The following CLOCK variants were observed in gnomAD, a reference collection of about 807,000 sequenced individuals.
CLOCK encodes clock circadian regulator, also known as circadian locomoter output cycles protein kaput.
In CLOCK, 43 loss-of-function variants were observed where a neutral mutation model predicts 118.4. That is an observed-to-expected ratio of 0.36 (90% CI 0.28 to 0.47). The LOEUF is 0.47. Among genes scored for constraint, CLOCK ranks in the 20% least tolerant of loss-of-function variants. The pLI, the probability that CLOCK is intolerant of heterozygous loss-of-function variation, is 1.00. For missense variants in CLOCK, 846 were observed against 999.9 expected, an observed-to-expected ratio of 0.85 and a Z score of 2.08; for synonymous variants, 326 against 339.2, an observed-to-expected ratio of 0.96 and a Z score of 0.43.
chr4:55,478,998 T>C (rs1023140051), intron 5 of CLOCK, 35 bp from the exon 6 acceptor site: 1 of 1,502,544 alleles, frequency 6.7e-7, no homozygotes, highest in Non-Finnish European at 9.1e-7. Flanking sequence ...TTTTAAACAA[T>C]CCATTTAATT....
Position 55,489,456 on chromosome 4 carries a change from T to A in CLOCK, c.-126A>T, listed in dbSNP as rs1170300183. 1 of 152,138 alleles carries A rather than the reference T, an allele frequency of 6.6e-6. No individual in the cohort carries two copies. Among genetic ancestry groups the A allele is most frequent in the East Asian group, 1.9e-4 (1 of 5,198 alleles). The allele number at this position is 152,138 out of a possible 1,614,324, so 9.4% of individuals were successfully genotyped here. A position where few individuals can be genotyped will look rare whatever the true frequency, so the allele number is the denominator to read the frequency against. The stretch of plus-strand genomic sequence containing the variant: ...ACTCTTCTATATGACCAACCATAAG[T>A]CTCAGAATTCTGTTTAAACAAGAAA... On this transcript the variant is annotated 5_prime_UTR_variant, in exon 3 of 23. Coordinates refer to ENST00000513440, the MANE Select transcript of CLOCK (RefSeq NM_004898.4).
chr4:55,475,617 C>CA (rs1726460295), intron 7 of CLOCK, among the ~76,000 whole-genome samples: 1 of 152,202 alleles, frequency 6.6e-6, no homozygotes, highest in South Asian at 2.1e-4. Flanking sequence ...CAACCTTCAG[C>CA]AACCACCACC....
chr4:55,528,721 G>A (rs556970178), intron 1 of CLOCK, among the ~76,000 whole-genome samples: 17 of 152,246 alleles, frequency 1.1e-4, no homozygotes, highest in South Asian at 8.3e-4. Flanking sequence ...GAGATTCTAC[G>A]CTCCCCTCAA....
At chr4:55,448,591 CGCACGCGCGCGT>C (rs1257034759) in intron 18 of CLOCK, among the ~76,000 whole-genome samples, 176 bp downstream of exon 18, 3 of 81,048 alleles carry the variant, frequency 3.7e-5, no homozygotes, top group African/African-American at 8.1e-5. Flanking sequence ...TGTGCGCGCG[CGCACGCGCGCGT>C]GTGTGTGTGT....
chr4:55,483,923 A>G (rs1727112238), intron 3 of CLOCK, among the ~76,000 whole-genome samples: 1 of 152,154 alleles, frequency 6.6e-6, no homozygotes, highest in Non-Finnish European at 1.5e-5. Context: ...GAGTATCCCT[A>G]ATCTGAAAAC....
At chr4:55,441,804 G>A (rs1385111404) in intron 21 of CLOCK, among the ~76,000 whole-genome samples, 1 of 152,142 alleles carries the variant, frequency 6.6e-6, no homozygotes, top group African/African-American at 2.4e-5. Context: ...ACTAAAATAA[G>A]TTATAGATGG....
chr4:55,447,989 T>C (rs1408020624), intron 18 of CLOCK, among the ~76,000 whole-genome samples: 1 of 151,648 alleles, frequency 6.6e-6, no homozygotes, highest in Non-Finnish European at 1.5e-5. Context: ...CTCTTGGAAT[T>C]ACTCCCCCTT....
chr4:55,438,234 A>G, intron 22 of CLOCK, 48 bp downstream of exon 22: 2 of 1,585,074 alleles, frequency 1.3e-6, no homozygotes, highest in Non-Finnish European at 1.7e-6. Context: ...TAATTTCATT[A>G]CATGAAAGTA....
At position 55,438,379 on chromosome 4, in the gene CLOCK, T is replaced by C. The variant is rs1040206001; in HGVS notation, c.2264A>G (p.Gln755Arg). ...QQQSQTLSVT[Q>R]QQQQQSSQEQ... ...CTGGGAGCTCTGCTGCTGCTGCTGCTGCGTTACTGACAATGTCTGTGACTG... is the reference window on the plus strand; with the variant it reads ...CTGGGAGCTCTGCTGCTGCTGCTGCCGCGTTACTGACAATGTCTGTGACTG... Residue 755 changes from glutamine (Q) to arginine (R), a missense_variant, in exon 22 of 23, where the codon CAG (glutamine) becomes CGG (arginine). This residue lies in a region of CLOCK where 520 missense variants were observed against 558.0 expected (regional missense o/e 0.93). Coordinates refer to ENST00000513440, the MANE Select transcript of CLOCK (RefSeq NM_004898.4). The C allele has an allele frequency of 3.7e-6, 6 of 1,613,368 alleles. No homozygotes were observed. Among genetic ancestry groups the C allele is most frequent in the Non-Finnish European group, 5.1e-6 (6 of 1,179,442 alleles).
Position 55,473,224 on chromosome 4 carries a change from C to CA in CLOCK, c.349-2419dup, listed in dbSNP as rs71194572. ...GGCGACTAAGCAAGACTCCGTCTCC[C>CA]AAAAAAAAAAAAAGAAGACAAGTGT... On this transcript the variant is annotated intron_variant, in intron 7 of 22. Coordinates refer to ENST00000513440, the MANE Select transcript of CLOCK (RefSeq NM_004898.4). 2.4e-3 allele frequency among the ~76,000 whole-genome samples: 327 copies of CA among 136,388 alleles called. 1 individual carries two copies. Among genetic ancestry groups the CA allele is most frequent in the Middle Eastern group, 3.6e-3 (1 of 276 alleles). The allele number at this position is 136,388 out of a possible 152,430, so 89.5% of individuals were successfully genotyped here. A position where few individuals can be genotyped will look rare whatever the true frequency, so the allele number is the denominator to read the frequency against.
At chr4:55,540,731 G>C (rs1397931588) in intron 1 of CLOCK, 1 of 152,234 alleles carries the variant, frequency 6.6e-6, no homozygotes, top group Admixed American at 6.5e-5. Flanking sequence ...GACGCACGTG[G>C]AGTGGAGAGG....
At chr4:55,479,199 A>C in intron 5 of CLOCK, 1 of 427,104 alleles carries the variant, frequency 2.3e-6, no homozygotes, top group African/African-American at 2.0e-5. Context: ...TGAAAATGCC[A>C]ATAAGAAAAA....
At chr4:55,450,282 T>A (rs1367391325) in intron 15 of CLOCK, 50 bp from the exon 16 acceptor site, 1 of 1,609,444 alleles carries the variant, frequency 6.2e-7, no homozygotes, top group Admixed American at 1.7e-5. Flanking sequence ...AGTTCAGAGA[T>A]CTCAAATTCA....
intron 13 of CLOCK, among the ~76,000 whole-genome samples, 163 bp downstream of exon 13, chr4:55,455,734 T>C (rs1724873885): frequency 6.6e-6 from 1 of 152,240 alleles, no homozygotes; most frequent in East Asian, 1.9e-4. Context: ...AAACTTGATC[T>C]ATGATTCCTA....
chr4:55,474,624 C>T (rs1726374374), intron 7 of CLOCK, among the ~76,000 whole-genome samples: 1 of 152,304 alleles, frequency 6.6e-6, no homozygotes, highest in East Asian at 1.9e-4. Flanking sequence ...ACTCTCTTGT[C>T]AGGGGCAAAT....
intron 13 of CLOCK, among the ~76,000 whole-genome samples, chr4:55,454,613 C>CAAAAA (rs10566273): frequency 1.4e-5 from 1 of 69,484 alleles, no homozygotes; most frequent in African/African-American, 6.2e-5. Context: ...GACTCCATCC[C>CAAAAA]AAAAAAAAAA....
At chr4:55,438,862 C>A (rs1723114168) in intron 21 of CLOCK, among the ~76,000 whole-genome samples, 1 of 152,148 alleles carries the variant, frequency 6.6e-6, no homozygotes, top group Non-Finnish European at 1.5e-5. Context: ...AACATAAGAG[C>A]TAATGCTATA....
intron 4 of CLOCK, among the ~76,000 whole-genome samples, chr4:55,482,233 C>T (rs921087276): frequency 6.6e-6 from 1 of 152,144 alleles, no homozygotes; most frequent in Non-Finnish European, 1.5e-5. Context: ...TTTTTTAACC[C>T]TCACTGCCCC....
In CLOCK at chr4:55,476,006, G is replaced by C; in HGVS notation, c.305C>G (p.Pro102Arg). 1 of 1,612,966 alleles carries C rather than the reference G, an allele frequency of 6.2e-7. No homozygotes were observed. The highest frequency in any genetic ancestry group is 8.5e-7 in the Non-Finnish European group (1 of 1,179,160). Reference protein sequence around the residue: ...DASEIRQDWKPTFLSNEEFTQ... With the variant: ...DASEIRQDWKRTFLSNEEFTQ... The stretch of plus-strand genomic sequence containing the variant: ...AAACTCTTCATTACTAAGGAATGTA[G>C]GTTTCCAGTCCTGTCGAATTTCACT... The change falls in exon 7 of 23, where the codon CCT (proline) becomes CGT (arginine). Residue 102 changes from proline to arginine, a missense_variant. This residue lies in a region of CLOCK where 246 missense variants were observed against 300.2 expected (regional missense o/e 0.82). Coordinates refer to ENST00000513440, the MANE Select transcript of CLOCK (RefSeq NM_004898.4).
Sources: allele counts gnomAD v4.1 joint callset (sites outside exome capture counted in the v4.1 genomes callset), GRCh38; gene constraint gnomAD v4.1.1; regional missense constraint gnomAD v4.1.1; transcripts MANE v1.5; gene names NCBI Gene and HGNC (gene_info 2026-07-23, HGNC 2026-07-21).